The following CECR2 variants were observed in gnomAD, a reference collection of about 807,000 sequenced individuals.
CECR2 encodes the protein chromatin remodeling regulator CECR2.
Under a neutral mutation model 154.5 loss-of-function variants are expected in CECR2, and 30 were observed. The observed-to-expected ratio is 0.19, with a 90% CI of 0.15 to 0.26. The LOEUF is 0.26. CECR2 is among the 10% of genes least tolerant of loss of function. The pLI is 1.00. For synonymous variants in CECR2, 725 were observed against 683.7 expected, an observed-to-expected ratio of 1.06 and a Z score of -0.94; for missense variants, 1,743 against 1,829.3, an observed-to-expected ratio of 0.95 and a Z score of 0.86.
chr22:17,415,438 C>A (rs577741928), intron 1 of CECR2, among the ~76,000 whole-genome samples: 3 of 152,102 alleles, frequency 2.0e-5, no homozygotes. Context: ...GATGAAGTTT[C>A]GCCATATTGC....
At chr22:17,470,460 A>C (rs749811665) in intron 1 of CECR2, among the ~76,000 whole-genome samples, 2 of 151,974 alleles carry the variant, frequency 1.3e-5, no homozygotes, top group Non-Finnish European at 2.9e-5. Flanking sequence ...ACAGGAGACC[A>C]GGACACAATC....
rs1461413213 is a variant in CECR2 at position 17,548,543 on chromosome 22, A to T, written c.3256A>T (p.Thr1086Ser). The T allele has an allele frequency of 6.2e-7, 1 of 1,613,806 alleles. No individual in the cohort carries two copies. Among genetic ancestry groups the T allele is most frequent in the East Asian group, 2.2e-5 (1 of 44,876 alleles). Residue 1086 changes from threonine (T) to serine (S), a missense_variant, in exon 17 of 19, where the codon ACG becomes TCG. Physicochemically the swap from Thr to Ser is moderately conservative, Grantham distance 58 (BLOSUM62 1). Coordinates refer to ENST00000262608, the MANE Select transcript of CECR2 (RefSeq NM_001290047.2). The part of the protein sequence containing the change: ...SEKLLCPRGR[T>S]LQETMPCTGQ... ...AAAGCTGCTCTGCCCCAGAGGCAGA[A>T]CGTTGCAGGAAACCATGCCATGCAC...
chr22:17,446,204 A>AT (rs1569087093), intron 1 of CECR2, among the ~76,000 whole-genome samples: 2 of 152,144 alleles, frequency 1.3e-5, no homozygotes, highest in Non-Finnish European at 2.9e-5. Context: ...TAGTTGTTTT[A>AT]TTTTAGCTAC....
intron 1 of CECR2, among the ~76,000 whole-genome samples, chr22:17,391,579 G>T (rs890210653): frequency 2.0e-5 from 3 of 152,088 alleles, no homozygotes; most frequent in African/African-American, 7.2e-5. Flanking sequence ...GTGAGGGCCT[G>T]GCCCAAATAG....
chr22:17,548,143 TGCAGCAG>T lies in CECR2; in HGVS notation c.2861-4_2863del. 1.4e-6 allele frequency: 2 copies of T among 1,462,548 alleles called. No homozygotes were observed. Among genetic ancestry groups the T allele is most frequent in the Non-Finnish European group, 1.8e-6 (2 of 1,105,144 alleles). The allele number at this position is 1,462,548 out of a possible 1,614,324, so 90.6% of individuals were successfully genotyped here. On this transcript the variant is annotated splice_acceptor_variant and splice_polypyrimidine_tract_variant and coding_sequence_variant and intron_variant, in exon 17 of 19. Coordinates refer to ENST00000262608, the MANE Select transcript of CECR2 (RefSeq NM_001290047.2). LOFTEE classifies it high-confidence loss of function. ...TTTTTCTCCTCTTTTTTTTTTTTTT[TGCAGCAG>T]AGCCGTTGCCTGGCCTTGAAGAGAA...
chr22:17,552,059 G>A lies in CECR2; in HGVS notation c.4306G>A (p.Ala1436Thr). 6.2e-7 allele frequency: 1 copy of A among 1,613,976 alleles called. No homozygotes were observed. Among genetic ancestry groups the A allele is most frequent in the Non-Finnish European group, 8.5e-7 (1 of 1,179,904 alleles). The change falls in exon 18 of 19, where the codon GCC (alanine) becomes ACC (threonine). Residue 1436 changes from alanine (A) to threonine (T), a missense_variant. Ala to Thr is a moderately conservative substitution (Grantham distance 58). This residue lies in a region of CECR2 where 1,250 missense variants were observed against 1,192.1 expected (regional missense o/e 1.05). Coordinates refer to ENST00000262608, the MANE Select transcript of CECR2 (RefSeq NM_001290047.2). ...GMQMHPVQSQASFPKTPTAAT... is the reference protein window; with the variant it reads ...GMQMHPVQSQTSFPKTPTAAT... Reference sequence around the variant, plus strand: ...GCAGATGCACCCGGTCCAGTCGCAGGCCTCGTTCCCAAAGACCCCCACAGC... The same window carrying A: ...GCAGATGCACCCGGTCCAGTCGCAGACCTCGTTCCCAAAGACCCCCACAGC...
chr22:17,503,217 C>A, intron 6 of CECR2, 86 bp downstream of exon 6: 1 of 1,296,398 alleles, frequency 7.7e-7, no homozygotes, highest in Non-Finnish European at 1.1e-6. Context: ...TAGAGTCATA[C>A]AAAGTAAAGG....
At chr22:17,472,644 A>G (rs1284064787) in intron 1 of CECR2, among the ~76,000 whole-genome samples, 3 of 152,180 alleles carry the variant, frequency 2.0e-5, no homozygotes, top group East Asian at 1.9e-4. Context: ...AGTAGTACAG[A>G]TCTGTGATCT....
At chr22:17,456,354 C>T (rs2054854419) in intron 1 of CECR2, among the ~76,000 whole-genome samples, 1 of 152,064 alleles carries the variant, frequency 6.6e-6, no homozygotes, top group African/African-American at 2.4e-5. Context: ...GCAAATTCCT[C>T]ACAGCCATTC....
At chr22:17,528,652 C>T (rs142584681) in intron 9 of CECR2, among the ~76,000 whole-genome samples, 50 of 152,246 alleles carry the variant, frequency 3.3e-4, no homozygotes, top group African/African-American at 1.1e-3. Context: ...TACCATGCCT[C>T]AGCCTCCCAA....
At chr22:17,521,055 C>T (rs1446333770) in intron 8 of CECR2, among the ~76,000 whole-genome samples, 1 of 151,942 alleles carries the variant, frequency 6.6e-6, no homozygotes, top group Admixed American at 6.5e-5. Context: ...ACACTCCCAC[C>T]AACAGCGTAA....
chr22:17,394,673 G>T (rs1459880604), intron 1 of CECR2, among the ~76,000 whole-genome samples: 1 of 152,142 alleles, frequency 6.6e-6, no homozygotes, highest in Admixed American at 6.5e-5. Context: ...GTCAATTTCT[G>T]CAAAGACATC....
intron 1 of CECR2, among the ~76,000 whole-genome samples, chr22:17,427,447 G>A (rs544262195): frequency 3.8e-4 from 58 of 152,144 alleles, no homozygotes; most frequent in Non-Finnish European, 7.1e-4. Context: ...TCTTGGTCTC[G>A]CTGACTTCAA....
chr22:17,514,266 TG>T (rs1369125313), intron 8 of CECR2, among the ~76,000 whole-genome samples: 1 of 152,200 alleles, frequency 6.6e-6, no homozygotes, highest in Non-Finnish European at 1.5e-5. Context: ...AGCTGTTTGT[TG>T]GGTGTTCGTC....
chr22:17,379,113 C>T (rs1381208928), intron 1 of CECR2, among the ~76,000 whole-genome samples: 1 of 152,094 alleles, frequency 6.6e-6, no homozygotes, highest in Non-Finnish European at 1.5e-5. Context: ...TGTGCCACCA[C>T]ACCCGGCTAA....
upstream of CECR2, among the ~76,000 whole-genome samples, chr22:17,366,264 C>G (rs577201844): frequency 1.3e-5 from 2 of 152,310 alleles, no homozygotes; most frequent in Middle Eastern, 6.8e-3. Context: ...TCTCCGCTCA[C>G]TGCAACCTCT....
chr22:17,544,569 A>T (rs1306124101), intron 16 of CECR2, among the ~76,000 whole-genome samples: 2 of 147,754 alleles, frequency 1.4e-5, no homozygotes, highest in South Asian at 4.4e-4. Flanking sequence ...CCAGCACTTT[A>T]GGAGGCCAAG....
chr22:17,377,071 A>G (rs1343356615), intron 1 of CECR2, among the ~76,000 whole-genome samples: 2 of 152,156 alleles, frequency 1.3e-5, no homozygotes, highest in African/African-American at 4.8e-5. Flanking sequence ...AGGTGTTCCT[A>G]TGTCTAAAGT....
At chr22:17,432,517 A>G (rs1402897813) in intron 1 of CECR2, among the ~76,000 whole-genome samples, 1 of 152,194 alleles carries the variant, frequency 6.6e-6, no homozygotes, top group Non-Finnish European at 1.5e-5. Context: ...TCATATGATT[A>G]CTGTGTTTAA....
Sources: allele counts gnomAD v4.1 joint callset (sites outside exome capture counted in the v4.1 genomes callset), GRCh38; gene constraint gnomAD v4.1.1; regional missense constraint gnomAD v4.1.1; transcripts MANE v1.5; gene names NCBI Gene and HGNC (gene_info 2026-07-23, HGNC 2026-07-21).